CXADR: variants seen among roughly 807,000 people sequenced by gnomAD.
CXADR encodes the protein coxsackievirus and adenovirus receptor.
In CXADR, 20 loss-of-function variants were observed where a neutral mutation model predicts 40.3. The observed-to-expected ratio is 0.50, with a 90% CI of 0.35 to 0.72. CXADR has a LOEUF of 0.72. CXADR is among the 30% of genes least tolerant of loss of function. The probability of loss-of-function intolerance (pLI) is 0.01; values close to 1 mark genes in which losing one functional copy is unlikely to be tolerated. For synonymous variants in CXADR, 150 were observed against 161.3 expected, an observed-to-expected ratio of 0.93 and a Z score of 0.53; for missense variants, 332 against 449.1, an observed-to-expected ratio of 0.74 and a Z score of 2.36.
At chr21:17,605,987 T>C in the CXADR span, among the ~76,000 whole-genome samples, 24 of 152,330 alleles carry the variant, frequency 1.6e-4, no homozygotes, top group South Asian at 5.0e-3. Flanking sequence ...AAGACTAATG[T>C]GCTATTTAAA....
chr21:17,533,641 G>T (rs912990039), intron 1 of CXADR, among the ~76,000 whole-genome samples: 2 of 152,080 alleles, frequency 1.3e-5, no homozygotes, highest in Non-Finnish European at 2.9e-5. Flanking sequence ...GAGTTAATAC[G>T]TGTAGGGCAT....
downstream of CXADR, among the ~76,000 whole-genome samples, chr21:17,571,991 A>C (rs117909088): frequency 6.6e-6 from 1 of 152,150 alleles, no homozygotes. Flanking sequence ...TAAGAAACCT[A>C]TGGACACTGG....
chr21:17,577,229 A>T (rs1315814264), intron 7 of CXADR, among the ~76,000 whole-genome samples: 1 of 152,172 alleles, frequency 6.6e-6, no homozygotes, highest in East Asian at 1.9e-4. Flanking sequence ...TTTACCTGAC[A>T]TCATCATCAA....
intron 1 of CXADR, among the ~76,000 whole-genome samples, chr21:17,540,596 A>G (rs983664109): frequency 6.6e-6 from 1 of 152,090 alleles, no homozygotes; most frequent in Non-Finnish European, 1.5e-5. Context: ...GTGAGCTTGA[A>G]TTTCTTACTC....
At chr21:17,555,734 T>C (rs2061026125) in intron 3 of CXADR, among the ~76,000 whole-genome samples, 1 of 152,196 alleles carries the variant, frequency 6.6e-6, no homozygotes, top group Non-Finnish European at 1.5e-5. Flanking sequence ...TCTAGAGTTA[T>C]TATTTTTCCC....
chr21:17,590,226 G>GT (rs1311452213), intron 7 of CXADR, among the ~76,000 whole-genome samples: 7 of 48,956 alleles, frequency 1.4e-4, no homozygotes, highest in Admixed American at 5.6e-4. Flanking sequence ...TTGTAGCTAG[G>GT]TATTTTTTTT....
chr21:17,603,132 T>G, the CXADR span, among the ~76,000 whole-genome samples: 1 of 152,206 alleles, frequency 6.6e-6, no homozygotes, highest in South Asian at 2.1e-4. Flanking sequence ...AGGAGCCAAC[T>G]AGGATCTAAG....
chr21:17,522,044 GTCTC>G (rs539781275), intron 1 of CXADR, among the ~76,000 whole-genome samples: 45 of 151,942 alleles, frequency 3.0e-4, no homozygotes, highest in Middle Eastern at 3.4e-3. Context: ...TTGAGACAGT[GTCTC>G]TCTCTCTTGC....
the CXADR span, chr21:17,604,874 A>C: frequency 6.2e-7 from 1 of 1,614,034 alleles, no homozygotes; most frequent in South Asian, 1.1e-5. Context: ...AGCACACCTC[A>C]CATGGGTCCA....
chr21:17,515,815 TAAAC>T (rs1266612179), intron 1 of CXADR, among the ~76,000 whole-genome samples: 3 of 151,426 alleles, frequency 2.0e-5, no homozygotes, highest in African/African-American at 2.4e-5. Flanking sequence ...CTGAAACAAA[TAAAC>T]AAAAAAAAAG....
At chr21:17,520,188 C>G (rs1181444732) in intron 1 of CXADR, among the ~76,000 whole-genome samples, 1 of 152,110 alleles carries the variant, frequency 6.6e-6, no homozygotes. Flanking sequence ...CTACTATGTG[C>G]AAAGCCATGT....
chr21:17,539,792 TC>T (rs1388566398), intron 1 of CXADR, among the ~76,000 whole-genome samples: 1 of 152,176 alleles, frequency 6.6e-6, no homozygotes, highest in Non-Finnish European at 1.5e-5. Context: ...CATTTTTCCA[TC>T]ATTTTGCGAA....
intron 1 of CXADR, among the ~76,000 whole-genome samples, chr21:17,541,835 T>C (rs2060833751): frequency 6.6e-6 from 1 of 152,174 alleles, no homozygotes; most frequent in African/African-American, 2.4e-5. Context: ...TGTCCATTTG[T>C]TCTGGTGAAG....
intron 7 of CXADR, among the ~76,000 whole-genome samples, chr21:17,580,369 G>A (rs973766344): frequency 4.6e-5 from 7 of 152,192 alleles, no homozygotes; most frequent in Middle Eastern, 3.4e-3. Context: ...CTATAATCCC[G>A]GCACTTTGGG....
chr21:17,624,745 C>T, the CXADR span, among the ~76,000 whole-genome samples: 2 of 152,120 alleles, frequency 1.3e-5, no homozygotes, highest in African/African-American at 4.8e-5. Flanking sequence ...TTTGGGGCAC[C>T]ACTATCTGCC....
At position 17,548,804 on chromosome 21, in the gene CXADR, C is replaced by T. The variant is rs2060931107; in HGVS notation, c.210+1611C>T. Among the ~76,000 whole-genome samples the T allele has an allele frequency of 2.0e-5, 3 of 152,176 alleles. No individual in the cohort carries two copies. In the South Asian group the frequency reaches 6.2e-4, roughly 31 times the overall value. On this transcript the variant is annotated intron_variant, in intron 2 of 6. Coordinates refer to ENST00000284878, the MANE Select transcript of CXADR (RefSeq NM_001338.5). Reference sequence around the variant, plus strand: ...GTGAGAGGCACGGCTTTGCCGTCTACAGGAGTTGTAAGATAAATGTGAAAC... The same window carrying T: ...GTGAGAGGCACGGCTTTGCCGTCTATAGGAGTTGTAAGATAAATGTGAAAC...
chr21:17,531,850 GT>G (rs1263576844), intron 1 of CXADR, among the ~76,000 whole-genome samples: 1 of 151,922 alleles, frequency 6.6e-6, no homozygotes, highest in Non-Finnish European at 1.5e-5. Flanking sequence ...CTCCCTCCTT[GT>G]CTCCCGAAGT....
chr21:17,625,019 ATG>A, the CXADR span, among the ~76,000 whole-genome samples: 1 of 152,066 alleles, frequency 6.6e-6, no homozygotes, highest in East Asian at 1.9e-4. Flanking sequence ...TATCTATTAT[ATG>A]TCTCCCTCTA....
At chr21:17,553,563 T>G (rs1462432033) in intron 3 of CXADR, among the ~76,000 whole-genome samples, 1 of 152,148 alleles carries the variant, frequency 6.6e-6, no homozygotes, top group African/African-American at 2.4e-5. Context: ...GAGTAACTTT[T>G]CTTTGTTATA....
Sources: allele counts gnomAD v4.1 joint callset (sites outside exome capture counted in the v4.1 genomes callset), GRCh38; gene constraint gnomAD v4.1.1; transcripts MANE v1.5; gene names NCBI Gene and HGNC (gene_info 2026-07-23, HGNC 2026-07-21).